Variants in NECTIN3 observed in about 807,000 individuals in gnomAD.
NECTIN3 encodes the protein nectin cell adhesion molecule 3.
Under a neutral mutation model 49.4 loss-of-function variants are expected in NECTIN3, and 8 were observed. That is an observed-to-expected ratio of 0.16 (90% CI 0.10 to 0.29). NECTIN3 has a LOEUF of 0.29. NECTIN3 is among the 10% of genes least tolerant of loss of function. NECTIN3 has a pLI of 1.00. For synonymous variants in NECTIN3, 277 were observed against 241.1 expected, an observed-to-expected ratio of 1.15 and a Z score of -1.38; for missense variants, 581 against 654.6, an observed-to-expected ratio of 0.89 and a Z score of 1.23.
chr3:111,111,888 T>C (rs1454910933), intron 1 of NECTIN3, 142 bp from the exon 2 acceptor site: 1 of 560,982 alleles, frequency 1.8e-6, no homozygotes, highest in Admixed American at 3.8e-5. Context: ...AGTGCATGTG[T>C]GTGTGTGTGC....
rs1576111425 is a variant in NECTIN3 at position 111,108,434 on chromosome 3, C to T, written c.161-3596C>T. 4.6e-5 allele frequency among the ~76,000 whole-genome samples: 7 copies of T among 152,128 alleles called. No individual in the cohort carries two copies. In the South Asian group the frequency reaches 1.5e-3, roughly 32 times the overall value. On this transcript the variant is annotated intron_variant, in intron 1 of 5. Coordinates refer to ENST00000485303, the MANE Select transcript of NECTIN3 (RefSeq NM_015480.3). ...CACCCCACAACAGTATCTCCCAATA[C>T]TCCTTTTGGTAATGGTGGCCCACTA... is the stretch of plus-strand genomic sequence containing the variant.
At chr3:111,118,519 G>T (rs1466611098) in intron 2 of NECTIN3, 137 bp from the exon 3 acceptor site, 6 of 734,918 alleles carry the variant, frequency 8.2e-6, no homozygotes, top group Non-Finnish European at 1.3e-5. Flanking sequence ...ATTGACGATG[G>T]CATTACCTAA....
At chr3:111,083,699 A>G (rs1442035808) in intron 1 of NECTIN3, among the ~76,000 whole-genome samples, 4 of 152,164 alleles carry the variant, frequency 2.6e-5, no homozygotes, top group Non-Finnish European at 4.4e-5. Context: ...CCGTGGTTAA[A>G]AGACAGTTTT....
intron 1 of NECTIN3, among the ~76,000 whole-genome samples, chr3:111,104,946 A>G (rs111420262): frequency 1.3e-5 from 2 of 152,166 alleles, no homozygotes; most frequent in African/African-American, 4.8e-5. Context: ...ATCAATTTAG[A>G]GAGAATTAAT....
chr3:111,072,880 C>T (rs2030889152), intron 1 of NECTIN3: 1 of 262,652 alleles, frequency 3.8e-6, no homozygotes. Context: ...TGTGCCCCGG[C>T]TGTTCTAACC....
At chr3:111,105,573 C>T (rs1036894389) in intron 1 of NECTIN3, among the ~76,000 whole-genome samples, 1 of 152,148 alleles carries the variant, frequency 6.6e-6, no homozygotes, top group Non-Finnish European at 1.5e-5. Flanking sequence ...CTACTAAACA[C>T]CCTTTTCATA....
intron 1 of NECTIN3, among the ~76,000 whole-genome samples, chr3:111,082,204 A>G (rs561723981): frequency 7.9e-5 from 12 of 152,162 alleles, no homozygotes; most frequent in Non-Finnish European, 1.6e-4. Context: ...TAATCAATCC[A>G]GTAAGGTTTC....
rs375756370 is a variant in NECTIN3, at chr3:111,072,008, A to T, written c.-10A>T. ...GCGGGCGGGCGAGCGGGCCGGGGGG[A>T]GGGTGGGGGATGGCGCGGACCCTGC... is the stretch of plus-strand genomic sequence containing the variant. On this transcript the variant is annotated 5_prime_UTR_variant, in exon 1 of 6. Transcript: ENST00000485303. The T allele has an allele frequency of 8.7e-4, 1,083 of 1,244,960 alleles. 6 individuals carry two copies. The African/African-American group carries it at 0.018, about 21-fold the overall frequency. 77.1% of individuals were successfully genotyped at this position (1,244,960 alleles called of 1,614,324 possible). A position where few individuals can be genotyped will look rare whatever the true frequency, so the allele number is the denominator to read the frequency against.
chr3:111,144,031 C>A (rs371160903), intron 5 of NECTIN3, among the ~76,000 whole-genome samples: 4 of 152,120 alleles, frequency 2.6e-5, no homozygotes, highest in African/African-American at 9.6e-5. Context: ...GTAATACTTA[C>A]ACGTAAAGAT....
intron 1 of NECTIN3, 186 bp downstream of exon 1, chr3:111,072,363 G>A: frequency 6.8e-7 from 1 of 1,477,998 alleles, no homozygotes; most frequent in Admixed American, 2.3e-5. Flanking sequence ...CCAGGCCAGC[G>A]AATGCTGAGC....
chr3:111,134,100 A>C lies in NECTIN3; in HGVS notation c.1535A>C (p.Glu512Ala), dbSNP rs760785541. Residue 512 changes from glutamate to alanine, a missense_variant, in exon 6 of 6, where the codon GAA (glutamate) becomes GCA (alanine). Glu to Ala is a moderately radical substitution (Grantham distance 107). Transcript: ENST00000485303. ...NRFERPMDYY[E>A]DLKMGMKFVS... ...TTTGAAAGACCAATGGATTATTATG[A>C]AGATCTAAAAATGGGAATGAAGTTT... The C allele has an allele frequency of 6.2e-7, 1 of 1,613,666 alleles. No individual in the cohort carries two copies. Among genetic ancestry groups the C allele is most frequent in the Non-Finnish European group, 8.5e-7 (1 of 1,179,710 alleles).
At chr3:111,108,350 T>C (rs1559782517) in intron 1 of NECTIN3, among the ~76,000 whole-genome samples, 1 of 152,004 alleles carries the variant, frequency 6.6e-6, no homozygotes, top group African/African-American at 2.4e-5. Context: ...GAGGCTTTCC[T>C]AACCTAAATG....
intron 5 of NECTIN3, among the ~76,000 whole-genome samples, chr3:111,131,184 C>T (rs2034375556): frequency 6.6e-6 from 1 of 152,020 alleles, no homozygotes; most frequent in South Asian, 2.1e-4. Context: ...CATTACATGA[C>T]TATTTTATGG....
chr3:111,125,399 T>A (rs2034125281), intron 4 of NECTIN3, among the ~76,000 whole-genome samples: 1 of 152,178 alleles, frequency 6.6e-6, no homozygotes, highest in Non-Finnish European at 1.5e-5. Flanking sequence ...TATTTGTTGT[T>A]TTTTTTGTTA....
chr3:111,114,944 C>T (rs1032048007), intron 2 of NECTIN3, among the ~76,000 whole-genome samples: 1 of 152,134 alleles, frequency 6.6e-6, no homozygotes, highest in African/African-American at 2.4e-5. Context: ...TGGGTATACT[C>T]AGGGACACTG....
At chr3:111,157,646 G>A (rs2035124435) in intron 7 of NECTIN3, among the ~76,000 whole-genome samples, 1 of 152,104 alleles carries the variant, frequency 6.6e-6, no homozygotes, top group Non-Finnish European at 1.5e-5. Flanking sequence ...GTCTCATAGT[G>A]GGGCTGATAC....
intron 5 of NECTIN3, 58 bp from the exon 6 acceptor site, chr3:111,133,577 G>T: frequency 6.5e-7 from 1 of 1,546,902 alleles, no homozygotes. Flanking sequence ...TGCTGAATCA[G>T]CCTGCATTGA....
chr3:111,077,998 A>G lies in NECTIN3; in HGVS notation c.160+5821A>G, dbSNP rs765888012. Among the ~76,000 whole-genome samples, 54 of 152,234 alleles carry G rather than the reference A, an allele frequency of 3.5e-4. 1 individual carries two copies. The highest frequency in any genetic ancestry group is 7.2e-4 in the Non-Finnish European group (49 of 68,032). ...CACAATGTAACCAAAATATCATTTCAGCATGCAATTGTTATTAAAAATTGA... is the reference window on the plus strand; with the variant it reads ...CACAATGTAACCAAAATATCATTTCGGCATGCAATTGTTATTAAAAATTGA... On this transcript the variant is annotated intron_variant, in intron 1 of 5. Coordinates refer to ENST00000485303, the MANE Select transcript of NECTIN3 (RefSeq NM_015480.3).
intron 1 of NECTIN3, among the ~76,000 whole-genome samples, chr3:111,089,298 T>C (rs1049318907): frequency 1.3e-5 from 2 of 152,150 alleles, no homozygotes; most frequent in Middle Eastern, 3.4e-3. Flanking sequence ...ATTATTTTCT[T>C]TTCTATCTTA....
Sources: gnomAD v4.1 joint callset for allele counts (sites outside exome capture counted in the v4.1 genomes callset) on GRCh38, gnomAD v4.1.1 for gene constraint, MANE v1.5 for transcripts, NCBI Gene and HGNC (gene_info 2026-07-23, HGNC 2026-07-21) for gene names.